Variants in CDK5RAP1 observed in about 807,000 individuals in gnomAD.
CDK5RAP1 encodes mitochondrial tRNA methylthiotransferase CDK5RAP1.
In CDK5RAP1, 62 loss-of-function variants were observed where a neutral mutation model predicts 64.5. The observed-to-expected ratio is 0.96, with a 90% confidence interval of 0.78 to 1.19. The LOEUF (loss-of-function observed/expected upper bound fraction) is 1.19, where lower values mean the gene tolerates loss of function less well. CDK5RAP1 is among the 50% of genes most tolerant of loss of function. The pLI, the probability that CDK5RAP1 is intolerant of heterozygous loss-of-function variation, is 0.00. For synonymous variants in CDK5RAP1, 250 were observed against 261.9 expected (o/e 0.95, Z 0.44); for missense variants, 657 against 735.0 (o/e 0.89, Z 1.23).
chr20:33,360,234 T>G (rs965073355), intron 13 of CDK5RAP1, 117 bp downstream of exon 13: 2 of 949,622 alleles, frequency 2.1e-6, no homozygotes, highest in Non-Finnish European at 3.2e-6. Context: ...TTGTACTGGT[T>G]GAGAGGGGAT....
At chr20:33,387,591 T>G in intron 5 of CDK5RAP1, 58 bp from the exon 6 acceptor site, 4 of 1,349,038 alleles carry the variant, frequency 3.0e-6, no homozygotes, top group Non-Finnish European at 4.2e-6. Flanking sequence ...TTTAATGGCT[T>G]CTTCTTATTC....
At chr20:33,366,173 G>C (rs1983896681) in intron 12 of CDK5RAP1, among the ~76,000 whole-genome samples, 1 of 151,874 alleles carries the variant, frequency 6.6e-6, no homozygotes, top group Admixed American at 6.6e-5. Context: ...ACAAAAATTA[G>C]CTGGGTGTGG....
intron 4 of CDK5RAP1, among the ~76,000 whole-genome samples, chr20:33,393,679 C>T (rs1988587275): frequency 6.6e-6 from 1 of 152,134 alleles, no homozygotes; most frequent in Non-Finnish European, 1.5e-5. Context: ...ACATCCTACC[C>T]CGGGCAGCTA....
Position 33,358,900 on chromosome 20 carries a change from GAC to G in CDK5RAP1, c.*141_*142del, listed in dbSNP as rs1326662164. 9.4e-6 allele frequency: 6 copies of G among 641,122 alleles called. No individual in the cohort carries two copies. The East Asian group carries it at 1.3e-4, about 14-fold the overall frequency. The allele number at this position is 641,122 out of a possible 1,614,324, so 39.7% of individuals were successfully genotyped here. A position where few individuals can be genotyped will look rare whatever the true frequency, so the allele number is the denominator to read the frequency against. ...GCTGTTCACATAGCAGCTTTAAAGA[GAC>G]ACGTTTTCCACTGACATAAAGTTGC... On this transcript the variant is annotated 3_prime_UTR_variant, in exon 14 of 14. Coordinates refer to ENST00000346416, the MANE Select transcript of CDK5RAP1 (RefSeq NM_016408.4).
chr20:33,359,143 A>C lies in CDK5RAP1; in HGVS notation c.1684-20T>G, dbSNP rs1982433476. On this transcript the variant is annotated intron_variant, in intron 13 of 13. Coordinates refer to ENST00000346416, the MANE Select transcript of CDK5RAP1 (RefSeq NM_016408.4). ...GGTGATCTGAAAGAAAACCAGGCAG[A>C]AGAAGGCAAAATAACTAGGACTGTA... 1.9e-6 allele frequency: 3 copies of C among 1,571,024 alleles called. No homozygotes were observed. Among genetic ancestry groups the C allele is most frequent in the Non-Finnish European group, 2.6e-6 (3 of 1,141,036 alleles).
At chr20:33,381,411 TTTG>T (rs148789837) in intron 7 of CDK5RAP1, among the ~76,000 whole-genome samples, 5 of 152,078 alleles carry the variant, frequency 3.3e-5, no homozygotes, top group East Asian at 3.9e-4. Context: ...CAAATAATGT[TTTG>T]TTGTTGTTGT....
chr20:33,371,795 G>A (rs1233799688), intron 10 of CDK5RAP1, among the ~76,000 whole-genome samples: 1 of 151,974 alleles, frequency 6.6e-6, no homozygotes, highest in Admixed American at 6.6e-5. Context: ...AAAAAAAGTT[G>A]TAATAATTAG....
chr20:33,392,892 T>C (rs1483210774), intron 4 of CDK5RAP1, among the ~76,000 whole-genome samples: 1 of 151,998 alleles, frequency 6.6e-6, no homozygotes, highest in African/African-American at 2.4e-5. Context: ...TCTCCTTTTT[T>C]TTTTTTGAGA....
rs1280582317 is a variant in CDK5RAP1 at position 33,366,350 on chromosome 20, G to A, written c.1542+509C>T. Among the ~76,000 whole-genome samples the A allele has an allele frequency of 3.4e-5, 5 of 146,852 alleles. No homozygotes were observed. The South Asian group carries it at 6.5e-4, about 19-fold the overall frequency. On this transcript the variant is annotated intron_variant, in intron 12 of 13. Transcript: ENST00000346416. ...AAAAAAAAAAAAAAAGGCCGGGCAC[G>A]GTGGCTCATGCCCGTAATCCTAGCA...
intron 11 of CDK5RAP1, among the ~76,000 whole-genome samples, chr20:33,368,826 G>A (rs976309020): frequency 4.1e-5 from 6 of 146,770 alleles, no homozygotes; most frequent in African/African-American, 7.6e-5. Flanking sequence ...AGCTGAGATC[G>A]TGCCATTGCA....
Position 33,372,666 on chromosome 20 carries a change from G to T in CDK5RAP1, c.1237C>A (p.His413Asn). The T allele has an allele frequency of 6.4e-7, 1 of 1,574,608 alleles. No homozygotes were observed. Among genetic ancestry groups the T allele is most frequent in the Non-Finnish European group, 8.6e-7 (1 of 1,163,732 alleles). ...CCTGGAATAGATTCTCTAATATGGTGAACTAACTCCACATAAGCTTCTCTT... is the reference window on the plus strand; with the variant it reads ...CCTGGAATAGATTCTCTAATATGGTTAACTAACTCCACATAAGCTTCTCTT... ...YSREAYVELV[H>N]HIRESIPGVS... Residue 413 changes from histidine (H) to asparagine (N), a missense_variant, in exon 10 of 14, where the codon CAC becomes AAC. His to Asn is a moderately conservative substitution (Grantham distance 68, BLOSUM62 1). Transcript: ENST00000346416.
chr20:33,388,720 C>A (rs1274553463), intron 5 of CDK5RAP1, among the ~76,000 whole-genome samples: 3 of 152,028 alleles, frequency 2.0e-5, no homozygotes, highest in Non-Finnish European at 4.4e-5. Context: ...ACTGCAACCT[C>A]CCTGCCTGAT....
At chr20:33,373,222 A>ATG (rs3050556) in intron 9 of CDK5RAP1, 64,489 of 129,338 alleles carry the variant, frequency 0.5, 15,144 homozygotes, top group Admixed American at 0.6. Context: ...AGGTGTGTGC[A>ATG]TGTGTGTGTG....
intron 10 of CDK5RAP1, among the ~76,000 whole-genome samples, chr20:33,371,444 G>C (rs1017433789): frequency 9.9e-5 from 15 of 152,118 alleles, no homozygotes; most frequent in African/African-American, 3.6e-4. Context: ...CACATACCTA[G>C]CCTCTGCATT....
At chr20:33,360,304 A>T (rs775273056) in intron 13 of CDK5RAP1, 47 bp downstream of exon 13, 14 of 1,577,706 alleles carry the variant, frequency 8.9e-6, no homozygotes, top group Non-Finnish European at 1.0e-5. Flanking sequence ...TATCCAAACC[A>T]ACACTCATTT....
At chr20:33,395,253 T>C in intron 2 of CDK5RAP1, 137 bp from the exon 3 acceptor site, 1 of 600,788 alleles carries the variant, frequency 1.7e-6, no homozygotes, top group East Asian at 2.8e-5. Flanking sequence ...GCTTCAATCT[T>C]AAGATAACAT....
chr20:33,361,334 G>A (rs1187844937), intron 12 of CDK5RAP1, among the ~76,000 whole-genome samples: 1 of 152,204 alleles, frequency 6.6e-6, no homozygotes, highest in Non-Finnish European at 1.5e-5. Flanking sequence ...GCAAATTCTA[G>A]AGAGAAGGGA....
At chr20:33,383,114 G>A (rs1041870422) in intron 7 of CDK5RAP1, among the ~76,000 whole-genome samples, 21 of 152,076 alleles carry the variant, frequency 1.4e-4, no homozygotes, top group African/African-American at 4.3e-4. Context: ...CTGGGAGGCG[G>A]AGGTTGCGGT....
chr20:33,377,606 A>G (rs916579134), intron 8 of CDK5RAP1, among the ~76,000 whole-genome samples: 5 of 152,088 alleles, frequency 3.3e-5, no homozygotes, highest in African/African-American at 7.2e-5. Context: ...AGCTTTCTCC[A>G]TATCAGCAAA....
Sources: allele counts gnomAD v4.1 joint callset (sites outside exome capture counted in the v4.1 genomes callset), GRCh38; gene constraint gnomAD v4.1.1; transcripts MANE v1.5; gene names NCBI Gene and HGNC (gene_info 2026-07-23, HGNC 2026-07-21).